Variants in ZNF81 observed in about 807,000 individuals in gnomAD.
ZNF81 encodes zinc finger protein 81 (HFZ20).
In ZNF81, 5 loss-of-function variants were observed where a neutral mutation model predicts 32.3. The ratio of observed to expected loss-of-function variants is 0.15; its 90% CI spans 0.08 to 0.33. The LOEUF is 0.33. ZNF81 is among the 10% of genes least tolerant of loss of function. ZNF81 has a pLI of 1.00. For missense variants in ZNF81, 379 were observed against 479.8 expected (o/e 0.79, Z 1.96); for synonymous variants, 163 against 166.8 (o/e 0.98, Z 0.17).
At chrX:47,910,228 T>C (rs1556889747) in intron 4 of ZNF81, among the ~76,000 whole-genome samples, 1 of 111,333 alleles carries the variant, frequency 9.0e-6, no homozygotes. Flanking sequence ...AAAGCCAAAA[T>C]TGACAAATGG....
chrX:47,888,160 C>A, intron 3 of ZNF81, 35 bp downstream of exon 3: 1 of 1,195,257 alleles, frequency 8.4e-7, no homozygotes, highest in East Asian at 3.0e-5. Flanking sequence ...TGTGAGGAGC[C>A]TGTTATGGGT....
chrX:47,888,961 T>C (rs938919914), intron 3 of ZNF81, among the ~76,000 whole-genome samples: 1 of 112,037 alleles, frequency 8.9e-6, no homozygotes, highest in Non-Finnish European at 1.9e-5. Context: ...GTAGAACTTG[T>C]ATGTGATGAA....
intron 3 of ZNF81, among the ~76,000 whole-genome samples, chrX:47,893,531 G>A (rs2058669398): frequency 9.0e-6 from 1 of 110,817 alleles, no homozygotes; most frequent in Non-Finnish European, 1.9e-5. Context: ...GTACTTTTAT[G>A]GTTATAAATA....
chrX:47,893,588 G>C (rs2058669575), intron 3 of ZNF81, among the ~76,000 whole-genome samples: 1 of 110,188 alleles, frequency 9.1e-6, no homozygotes, highest in East Asian at 2.8e-4. Flanking sequence ...ACAGAACCCA[G>C]CCTCTTACAA....
At chrX:47,863,113 G>T (rs912777568) in intron 2 of ZNF81, among the ~76,000 whole-genome samples, 2 of 111,658 alleles carry the variant, frequency 1.8e-5, no homozygotes, top group Non-Finnish European at 3.8e-5. Context: ...CCACGTGGGG[G>T]AGAGGGGTCT....
chrX:47,847,938 G>A (rs1253547709), intron 2 of ZNF81, among the ~76,000 whole-genome samples: 11 of 104,632 alleles, frequency 1.1e-4, no homozygotes, highest in African/African-American at 2.8e-4. Flanking sequence ...TTTTTTAGAC[G>A]GAGTCTTGCT....
chrX:47,894,693 G>A (rs1556886926), intron 3 of ZNF81, among the ~76,000 whole-genome samples: 1 of 111,489 alleles, frequency 9.0e-6, no homozygotes, highest in Non-Finnish European at 1.9e-5. Context: ...TGGGCTCAGA[G>A]GACAGATCAT....
chrX:47,878,652 A>G (rs376267665), intron 2 of ZNF81, among the ~76,000 whole-genome samples: 45 of 112,504 alleles, frequency 4.0e-4, no homozygotes, highest in African/African-American at 1.4e-3. Context: ...ATGACAAGCA[A>G]TAAAGTGGAG....
intron 2 of ZNF81, among the ~76,000 whole-genome samples, chrX:47,885,246 C>G (rs1395196536): frequency 9.0e-6 from 1 of 111,321 alleles, no homozygotes; most frequent in Non-Finnish European, 1.9e-5. Flanking sequence ...TTCTTTGGTT[C>G]TCAATAGTTT....
intron 4 of ZNF81, among the ~76,000 whole-genome samples, chrX:47,909,769 C>G (rs1482921894): frequency 1.0e-5 from 1 of 97,822 alleles, no homozygotes; most frequent in Non-Finnish European, 2.1e-5. Context: ...TCCCCCAACC[C>G]CACAACAGTC....
chrX:47,838,641 C>T (rs2058434767), intron 1 of ZNF81, among the ~76,000 whole-genome samples: 2 of 111,135 alleles, frequency 1.8e-5, no homozygotes, highest in Non-Finnish European at 3.8e-5. Context: ...TCTTACATTC[C>T]TGGAATAAAC....
In ZNF81 at chrX:47,895,835, C is replaced by T. The variant is rs1211579951; in HGVS notation, c.182-10C>T. On this transcript the variant is annotated splice_polypyrimidine_tract_variant and intron_variant, in intron 3 of 4. Transcript: ENST00000338637. ...GCTGGACCCAATTCTCTATCGTGTCCTGTTAACAGGGTTCGAAGTTCCTAA... is the reference window on the plus strand; with the variant it reads ...GCTGGACCCAATTCTCTATCGTGTCTTGTTAACAGGGTTCGAAGTTCCTAA... 3.4e-6 allele frequency: 4 copies of T among 1,191,465 alleles called. No individual in the cohort carries two copies. Among genetic ancestry groups the T allele is most frequent in the South Asian group, 1.8e-5 (1 of 56,349 alleles).
At chrX:47,897,327 C>T (rs1475779851) in intron 4 of ZNF81, among the ~76,000 whole-genome samples, 2 of 112,251 alleles carry the variant, frequency 1.8e-5, no homozygotes, top group Non-Finnish European at 3.8e-5. Flanking sequence ...TGTTAAGCAT[C>T]TTTTTATGTG....
chrX:47,851,375 C>G (rs2058494989), intron 2 of ZNF81, among the ~76,000 whole-genome samples: 1 of 95,082 alleles, frequency 1.1e-5, no homozygotes, highest in Non-Finnish European at 2.2e-5. Context: ...GTATGAGTGT[C>G]TGTTTTCACC....
chrX:47,869,391 T>C (rs1347683227), intron 2 of ZNF81, among the ~76,000 whole-genome samples: 4 of 111,939 alleles, frequency 3.6e-5, no homozygotes, highest in Non-Finnish European at 7.5e-5. Flanking sequence ...GGACATGGTC[T>C]GTGTAATTGT....
Position 47,915,071 on chromosome X carries a change from G to A in ZNF81, c.425G>A (p.Cys142Tyr). 8.3e-7 allele frequency: 1 copy of A among 1,209,369 alleles called. No homozygotes were observed. The highest frequency in any genetic ancestry group is 1.1e-6 in the Non-Finnish European group (1 of 894,776). The change falls in exon 5 of 5, where the codon TGT (cysteine) becomes TAT (tyrosine). Residue 142 changes from cysteine (C) to tyrosine (Y), a missense_variant. Cys to Tyr is a radical substitution (Grantham distance 194). This residue lies in a region of ZNF81 where 277 missense variants were observed against 306.6 expected (regional missense o/e 0.90). Coordinates refer to ENST00000338637, the MANE Select transcript of ZNF81 (RefSeq NM_007137.5). ...CAAGATGCTGAACAGATAAAGAGATGTCAGGAAAAACACAACAAACTTCTG... is the reference window on the plus strand; with the variant it reads ...CAAGATGCTGAACAGATAAAGAGATATCAGGAAAAACACAACAAACTTCTG... The part of the protein sequence containing the change: ...LWQDAEQIKR[C>Y]QEKHNKLLSR...
chrX:47,902,156 A>G (rs1252837411), intron 4 of ZNF81, among the ~76,000 whole-genome samples: 1 of 111,277 alleles, frequency 9.0e-6, no homozygotes, highest in Non-Finnish European at 1.9e-5. Flanking sequence ...AGTTTTTTTC[A>G]TTAATACTTC....
chrX:47,890,013 T>C (rs1448839841), intron 3 of ZNF81, among the ~76,000 whole-genome samples: 2 of 111,624 alleles, frequency 1.8e-5, no homozygotes, highest in African/African-American at 3.3e-5. Flanking sequence ...CCAAACCATA[T>C]CAGGTGATGA....
chrX:47,879,663 A>T (rs1007618705), intron 2 of ZNF81, among the ~76,000 whole-genome samples: 1 of 112,303 alleles, frequency 8.9e-6, no homozygotes, highest in African/African-American at 3.2e-5. Context: ...TACGTTTAGT[A>T]TAATTTCTAG....
Sources: gnomAD v4.1 joint callset for allele counts (sites outside exome capture counted in the v4.1 genomes callset) on GRCh38, gnomAD v4.1.1 for gene constraint, gnomAD v4.1.1 regional missense constraint, MANE v1.5 for transcripts, NCBI Gene and HGNC (gene_info 2026-07-23, HGNC 2026-07-21) for gene names.